GAPT: variants seen among roughly 807,000 people sequenced by gnomAD.
GAPT encodes GRB2 binding adaptor protein, transmembrane, also known as protein GAPT.
For synonymous variants in GAPT, 82 were observed against 69.7 expected (o/e 1.18, Z -0.88); for missense variants, 206 against 189.2 (o/e 1.09, Z -0.52).
chr5:58,494,226 C>T (rs1443019951), intron 2 of GAPT, 21 bp from the exon 3 acceptor site: 1 of 240,424 alleles, frequency 4.2e-6, no homozygotes, highest in East Asian at 8.2e-5. Context: ...ATTTCTGCTT[C>T]ATTTTGTGAT....
In GAPT at chr5:58,495,077, C is replaced by A. The variant is rs985068930; in HGVS notation, c.*67C>A. ...CACTGTAATTTTTCAACAGCAAAGA[C>A]AAGGAATCAAACTAAATGTTGATCA... On this transcript the variant is annotated 3_prime_UTR_variant, in exon 3 of 3. Coordinates refer to ENST00000502276, the MANE Select transcript of GAPT (RefSeq NM_001304431.2). 1 of 995,982 alleles carries A rather than the reference C, an allele frequency of 1.0e-6. No homozygotes were observed. Among genetic ancestry groups the A allele is most frequent in the Non-Finnish European group, 1.5e-6 (1 of 672,898 alleles). The allele number at this position is 995,982 out of a possible 1,614,324, so 61.7% of individuals were successfully genotyped here. A position where few individuals can be genotyped will look rare whatever the true frequency, so the allele number is the denominator to read the frequency against.
At chr5:58,492,983 G>C (rs951167766) in intron 1 of GAPT, among the ~76,000 whole-genome samples, 1 of 152,108 alleles carries the variant, frequency 6.6e-6, no homozygotes, top group Non-Finnish European at 1.5e-5. Flanking sequence ...GCATGTTACA[G>C]ATATTTGGAT....
Position 58,494,656 on chromosome 5 carries a change from A to T in GAPT, c.120A>T (p.Arg40=). ...ACTGGAAACACCGTGTTGCCACACG[A>T]TTTACCTTACCGAGGTTTTTACAAA... ...VWHWKHRVAT[R]FTLPRFLQRR... The change falls in exon 3 of 3, where the codon CGA becomes CGT. Residue 40 remains arginine, a synonymous_variant. Transcript: ENST00000502276. 6.2e-7 allele frequency: 1 copy of T among 1,614,056 alleles called. No individual in the cohort carries two copies. The highest frequency in any genetic ancestry group is 8.5e-7 in the Non-Finnish European group (1 of 1,179,968).
chr5:58,491,943 G>C (rs1744270225), intron 1 of GAPT, among the ~76,000 whole-genome samples: 1 of 152,088 alleles, frequency 6.6e-6, no homozygotes, highest in African/African-American at 2.4e-5. Flanking sequence ...TTTAAAATAT[G>C]TTTTTCATTA....
chr5:58,494,575 T>A lies in GAPT; in HGVS notation c.39T>A (p.Ser13=). 6.2e-7 allele frequency: 1 copy of A among 1,612,952 alleles called. No homozygotes were observed. The highest frequency in any genetic ancestry group is 8.5e-7 in the Non-Finnish European group (1 of 1,179,412). The change falls in exon 3 of 3, where the codon TCT becomes TCA. Residue 13 remains serine, a synonymous_variant. Transcript: ENST00000502276. ...KSCGNNLAAI[S]VGISLLLLLV... ...GTGGAAATAATTTAGCGGCCATTTC[T>A]GTAGGAATTTCGCTTCTTTTACTCT...
Position 58,495,055 on chromosome 5 carries a change from T to G in GAPT, c.*45T>G. 7.8e-7 allele frequency: 1 copy of G among 1,284,742 alleles called. No homozygotes were observed. Among genetic ancestry groups the G allele is most frequent in the Non-Finnish European group, 1.1e-6 (1 of 917,594 alleles). The allele number at this position is 1,284,742 out of a possible 1,614,324, so 79.6% of individuals were successfully genotyped here. ...TTGTTATTGGATGATAAATATTCAC[T>G]GTAATTTTTCAACAGCAAAGACAAG... On this transcript the variant is annotated 3_prime_UTR_variant, in exon 3 of 3. Coordinates refer to ENST00000502276, the MANE Select transcript of GAPT (RefSeq NM_001304431.2).
chr5:58,494,426 G>T lies in GAPT; in HGVS notation c.-111G>T. On this transcript the variant is annotated 5_prime_UTR_variant, in exon 3 of 3. It removes an upstream start codon present in the reference 5' UTR. Coordinates refer to ENST00000502276, the MANE Select transcript of GAPT (RefSeq NM_001304431.2). The stretch of plus-strand genomic sequence containing the variant: ...TTCTTCCAGATCTGAAAAGGAAAAT[G>T]CCTAAAAGAGCTTCCAAACTCATTT... 1 of 829,744 alleles carries T rather than the reference G, an allele frequency of 1.2e-6. No homozygotes were observed. The highest frequency in any genetic ancestry group is 1.9e-5 in the South Asian group (1 of 51,846). 51.4% of individuals were successfully genotyped at this position (829,744 alleles called of 1,614,324 possible).
intron 1 of GAPT, among the ~76,000 whole-genome samples, chr5:58,491,991 C>T (rs1420846159): frequency 6.6e-6 from 1 of 152,118 alleles, no homozygotes; most frequent in Non-Finnish European, 1.5e-5. Flanking sequence ...GTTTTTTCCT[C>T]TAATGTTATT....
In GAPT at chr5:58,496,108, C is replaced by T. The variant is rs1744442110; in HGVS notation, c.*1098C>T. ...AAACCCGCATTTACCTTTTTATTTT[C>T]TGATATAAGCTTTGATGCCTCTTCA... On this transcript the variant is annotated 3_prime_UTR_variant, in exon 3 of 3. Coordinates refer to ENST00000502276, the MANE Select transcript of GAPT (RefSeq NM_001304431.2). The T allele has an allele frequency of 6.0e-6, 1 of 166,926 alleles. No individual in the cohort carries two copies. The allele number at this position is 166,926 out of a possible 1,614,324, so 10.3% of individuals were successfully genotyped here. A position where few individuals can be genotyped will look rare whatever the true frequency, so the allele number is the denominator to read the frequency against.
Position 58,495,183 on chromosome 5 carries a change from T to G in GAPT, c.*173T>G. On this transcript the variant is annotated 3_prime_UTR_variant, in exon 3 of 3. Coordinates refer to ENST00000502276, the MANE Select transcript of GAPT (RefSeq NM_001304431.2). ...CCGTAAAAAAAGAACAAAACTAACA[T>G]GGGAACAGAAAATCAAATACCACAT... 3.6e-6 allele frequency: 2 copies of G among 562,554 alleles called. No individual in the cohort carries two copies. The highest frequency in any genetic ancestry group is 4.8e-5 in the South Asian group (2 of 41,306). 34.8% of individuals were successfully genotyped at this position (562,554 alleles called of 1,614,324 possible).
intron 1 of GAPT, among the ~76,000 whole-genome samples, chr5:58,492,875 G>A (rs1253162086): frequency 2.6e-5 from 4 of 151,956 alleles, no homozygotes; most frequent in African/African-American, 4.8e-5. Context: ...TCTAATGCTG[G>A]TGTTGGTAAT....
At chr5:58,493,486 C>T (rs773234231) in intron 1 of GAPT, 3 of 152,144 alleles carry the variant, frequency 2.0e-5, no homozygotes, top group Non-Finnish European at 4.4e-5. Context: ...GATCTCATTT[C>T]ATGTTTTAAG....
chr5:58,495,417 C>T lies in GAPT; in HGVS notation c.*407C>T, dbSNP rs1232754486. On this transcript the variant is annotated 3_prime_UTR_variant, in exon 3 of 3. Transcript: ENST00000502276. ...TCACAAGTGTTCCTACATAACAAAC[C>T]TGAACATGTACCCCTGAACATAAAA... The T allele has an allele frequency of 6.1e-6, 1 of 164,186 alleles. No homozygotes were observed. Among genetic ancestry groups the T allele is most frequent in the Non-Finnish European group, 1.4e-5 (1 of 71,702 alleles). The allele number at this position is 164,186 out of a possible 1,614,324, so 10.2% of individuals were successfully genotyped here. A position where few individuals can be genotyped will look rare whatever the true frequency, so the allele number is the denominator to read the frequency against.
chr5:58,493,989 A>T (rs1350176741), intron 2 of GAPT, among the ~76,000 whole-genome samples, 151 bp downstream of exon 2: 2 of 152,078 alleles, frequency 1.3e-5, no homozygotes, highest in Non-Finnish European at 2.9e-5. Context: ...CAGGGACAGG[A>T]TTTTTCTAAC....
rs1744361576 is a variant in GAPT at position 58,494,290 on chromosome 5, TATACATTA to T, written c.-244_-237del. The stretch of plus-strand genomic sequence containing the variant: ...ATAAAATCCCCCAATACAGTACAAT[TATACATTA>T]ATGGCTGTAATGTGAAGAGCATCAC... On this transcript the variant is annotated 5_prime_UTR_variant, in exon 3 of 3. In the 5' UTR this introduces an upstream ATG that the reference lacks. Coordinates refer to ENST00000502276, the MANE Select transcript of GAPT (RefSeq NM_001304431.2). 1 of 430,910 alleles carries T rather than the reference TATACATTA, an allele frequency of 2.3e-6. No homozygotes were observed. The highest frequency in any genetic ancestry group is 2.0e-5 in the African/African-American group (1 of 50,478). The allele number at this position is 430,910 out of a possible 1,614,324, so 26.7% of individuals were successfully genotyped here.
rs1744466171 is a variant in GAPT, at chr5:58,496,937, C to T, written c.*1927C>T. The T allele has an allele frequency of 6.0e-6, 1 of 167,082 alleles. No individual in the cohort carries two copies. Among genetic ancestry groups the T allele is most frequent in the African/African-American group, 2.4e-5 (1 of 41,436 alleles). 10.3% of individuals were successfully genotyped at this position (167,082 alleles called of 1,614,324 possible). ...GTACCCTCAGAGTTCTGCGTCCCAG[C>T]CTGGCAGGGCTCCTCCTCTGAGGTC... On this transcript the variant is annotated 3_prime_UTR_variant, in exon 3 of 3. Coordinates refer to ENST00000502276, the MANE Select transcript of GAPT (RefSeq NM_001304431.2).
chr5:58,494,601 T>C lies in GAPT; in HGVS notation c.65T>C (p.Leu22Ser). The change falls in exon 3 of 3, where the codon TTA becomes TCA. Residue 22 changes from leucine to serine, a missense_variant. By Grantham distance (145) the Leu-to-Ser change is moderately radical. Coordinates refer to ENST00000502276, the MANE Select transcript of GAPT (RefSeq NM_001304431.2). ...ISVGISLLLL[L>S]VVCGIGCVWH... Reference sequence around the variant, plus strand: ...GTAGGAATTTCGCTTCTTTTACTCTTAGTGGTTTGTGGAATTGGGTGTGTT... The same window carrying C: ...GTAGGAATTTCGCTTCTTTTACTCTCAGTGGTTTGTGGAATTGGGTGTGTT... The C allele has an allele frequency of 6.2e-7, 1 of 1,613,982 alleles. No homozygotes were observed. The highest frequency in any genetic ancestry group is 8.5e-7 in the Non-Finnish European group (1 of 1,179,936).
rs1252118775 is a variant in GAPT, at chr5:58,494,719, C to A, written c.183C>A (p.Phe61Leu). 1 of 1,613,844 alleles carries A rather than the reference C, an allele frequency of 6.2e-7. No individual in the cohort carries two copies. Among genetic ancestry groups the A allele is most frequent in the Non-Finnish European group, 8.5e-7 (1 of 1,179,972 alleles). Reference sequence around the variant, plus strand: ...GGAGAAAAGTCTGTACTAAAACATTCTTGGGCCCCCGCATCATTGGCTTAA... The same window carrying A: ...GGAGAAAAGTCTGTACTAAAACATTATTGGGCCCCCGCATCATTGGCTTAA... ...SSRRKVCTKT[F>L]LGPRIIGLRH... Residue 61 changes from phenylalanine (F) to leucine (L), a missense_variant, in exon 3 of 3, where the codon TTC becomes TTA. By Grantham distance (22) the Phe-to-Leu change is conservative (BLOSUM62 0). Transcript: ENST00000502276.
intron 2 of GAPT, 36 bp downstream of exon 2, chr5:58,493,874 C>G (rs1744342017): frequency 6.6e-6 from 1 of 152,056 alleles, no homozygotes; most frequent in African/African-American, 2.4e-5. Flanking sequence ...GTATATGTCC[C>G]TTTTTTTCTA....
Sources: allele counts gnomAD v4.1 joint callset (sites outside exome capture counted in the v4.1 genomes callset), GRCh38; gene constraint gnomAD v4.1.1; transcripts MANE v1.5; gene names NCBI Gene and HGNC (gene_info 2026-07-23, HGNC 2026-07-21).